Variants in PRKCE observed in about 807,000 individuals in gnomAD.
PRKCE encodes the protein protein kinase C epsilon, also known as protein kinase C epsilon type.
PRKCE carries 16 observed loss-of-function variants against 85.4 expected under a neutral mutation model. The observed-to-expected ratio is 0.19, with a 90% CI of 0.13 to 0.28. The LOEUF is 0.28. Among genes scored for constraint, PRKCE ranks in the 10% least tolerant of loss-of-function variants. The pLI is 1.00. For missense variants in PRKCE, 573 were observed against 975.2 expected (o/e 0.59, Z 5.49); for synonymous variants, 388 against 371.5 (o/e 1.04, Z -0.51).
intron 2 of PRKCE, among the ~76,000 whole-genome samples, chr2:45,946,969 G>A (rs990905005): frequency 6.6e-6 from 1 of 152,200 alleles, no homozygotes; most frequent in Non-Finnish European, 1.5e-5. Context: ...TAGACTCTAT[G>A]AGATATTCAG....
At chr2:45,890,745 T>C (rs1357047769) in intron 2 of PRKCE, among the ~76,000 whole-genome samples, 4 of 152,190 alleles carry the variant, frequency 2.6e-5, no homozygotes, top group African/African-American at 9.7e-5. Context: ...TTCAGATTTT[T>C]GCCTAGAATG....
chr2:45,834,187 C>A lies in PRKCE; in HGVS notation c.349-8813C>A, dbSNP rs1573540544. Among the ~76,000 whole-genome samples, 2 of 152,266 alleles carry A rather than the reference C, an allele frequency of 1.3e-5. 1 individual carries two copies. The highest frequency in any genetic ancestry group is 1.3e-4 in the Admixed American group (2 of 15,296). On this transcript the variant is annotated intron_variant, in intron 1 of 14. Transcript: ENST00000306156. ...TAACGTGGGCCTCTGGTCCAGCCAA[C>A]AAGAGTTTCACAAGAAGATAATGGC...
At chr2:45,731,127 T>G (rs562355652) in intron 1 of PRKCE, among the ~76,000 whole-genome samples, 30 of 152,288 alleles carry the variant, frequency 2.0e-4, no homozygotes, top group African/African-American at 6.0e-4. Context: ...ACTGGTGAGT[T>G]TAGGGCCTGT....
chr2:46,029,481 G>A (rs1406398992), intron 10 of PRKCE, among the ~76,000 whole-genome samples: 3 of 152,108 alleles, frequency 2.0e-5, no homozygotes, highest in African/African-American at 7.2e-5. Flanking sequence ...TTGGAGGTGG[G>A]ACCAATGAAG....
intron 1 of PRKCE, among the ~76,000 whole-genome samples, chr2:45,662,018 C>T (rs1027253238): frequency 3.3e-5 from 5 of 152,090 alleles, no homozygotes; most frequent in Non-Finnish European, 7.4e-5. Context: ...GGAAGTGTCC[C>T]CCTCTACCCC....
At position 46,151,037 on chromosome 2, in the gene PRKCE, A is replaced by G. The variant is rs1441059968; in HGVS notation, c.1732-4A>G. 1 of 1,596,008 alleles carries G rather than the reference A, an allele frequency of 6.3e-7. No homozygotes were observed. The highest frequency in any genetic ancestry group is 8.5e-7 in the Non-Finnish European group (1 of 1,177,260). On this transcript the variant is annotated splice_region_variant and splice_polypyrimidine_tract_variant and intron_variant, in intron 12 of 14. Transcript: ENST00000306156. ...GTGCCTGACATTGCTGGTTTCCTGAACAGATCCTGCAGGAGTTGGAGTATG... is the reference window on the plus strand; with the variant it reads ...GTGCCTGACATTGCTGGTTTCCTGAGCAGATCCTGCAGGAGTTGGAGTATG...
intron 1 of PRKCE, among the ~76,000 whole-genome samples, chr2:45,800,349 A>G (rs1319214338): frequency 6.6e-6 from 1 of 150,764 alleles, no homozygotes; most frequent in Non-Finnish European, 1.5e-5. Context: ...CAGCCCTTCC[A>G]TAAAGCCTCA....
intron 2 of PRKCE, among the ~76,000 whole-genome samples, chr2:45,881,892 A>G (rs1694915427): frequency 6.6e-6 from 1 of 152,212 alleles, no homozygotes; most frequent in Non-Finnish European, 1.5e-5. Context: ...GCTCAGTGGT[A>G]GCTCGAAGAC....
chr2:46,126,907 G>A (rs905393776), intron 11 of PRKCE, among the ~76,000 whole-genome samples: 2 of 152,142 alleles, frequency 1.3e-5, no homozygotes, highest in Non-Finnish European at 2.9e-5. Context: ...CCACTTCAGC[G>A]GTTTACAGTT....
chr2:45,942,474 T>C (rs1050145165), intron 2 of PRKCE, among the ~76,000 whole-genome samples: 1 of 152,214 alleles, frequency 6.6e-6, no homozygotes, highest in Non-Finnish European at 1.5e-5. Flanking sequence ...ATTAATGTTG[T>C]CATATTATGT....
At chr2:46,080,136 T>C (rs1312377038) in intron 10 of PRKCE, among the ~76,000 whole-genome samples, 4 of 152,226 alleles carry the variant, frequency 2.6e-5, no homozygotes, top group African/African-American at 9.6e-5. Context: ...AGGGGATTAA[T>C]GAGTAGCTGC....
chr2:45,966,257 A>T (rs147587068), intron 2 of PRKCE, among the ~76,000 whole-genome samples: 25 of 152,230 alleles, frequency 1.6e-4, no homozygotes, highest in African/African-American at 6.0e-4. Context: ...TACTTCATAG[A>T]TGTGTAACAT....
chr2:45,881,681 G>A (rs1694900568), intron 2 of PRKCE, among the ~76,000 whole-genome samples: 1 of 152,164 alleles, frequency 6.6e-6, no homozygotes, highest in African/African-American at 2.4e-5. Context: ...TTTTACAGAT[G>A]AGGAAACTAA....
chr2:45,796,484 T>C (rs1220498957), intron 1 of PRKCE, among the ~76,000 whole-genome samples: 1 of 152,220 alleles, frequency 6.6e-6, no homozygotes, highest in Non-Finnish European at 1.5e-5. Context: ...TTATATCTCT[T>C]ATGATGATTT....
intron 2 of PRKCE, among the ~76,000 whole-genome samples, chr2:45,909,458 G>A (rs1391156657): frequency 6.6e-6 from 1 of 152,186 alleles, no homozygotes; most frequent in African/African-American, 2.4e-5. Flanking sequence ...AGTTGTTAAG[G>A]GGTGGCCAGC....
intron 14 of PRKCE, among the ~76,000 whole-genome samples, chr2:46,180,799 G>A (rs1367868832): frequency 6.6e-6 from 1 of 152,168 alleles, no homozygotes; most frequent in Non-Finnish European, 1.5e-5. Flanking sequence ...GAAAGACCAC[G>A]GCTTAAAGAG....
At chr2:46,136,351 G>A (rs1290310112) in intron 11 of PRKCE, among the ~76,000 whole-genome samples, 1 of 152,222 alleles carries the variant, frequency 6.6e-6, no homozygotes, top group African/African-American at 2.4e-5. Flanking sequence ...TTTGCTAGAT[G>A]CTGTATGGTT....
At chr2:45,727,330 G>T (rs1681160154) in intron 1 of PRKCE, among the ~76,000 whole-genome samples, 1 of 152,180 alleles carries the variant, frequency 6.6e-6, no homozygotes, top group African/African-American at 2.4e-5. Flanking sequence ...GTGTATTGAA[G>T]GTAGAAGACA....
intron 1 of PRKCE, among the ~76,000 whole-genome samples, chr2:45,743,298 T>G (rs778211412): frequency 4.6e-5 from 7 of 152,256 alleles, no homozygotes; most frequent in Non-Finnish European, 1.0e-4. Flanking sequence ...GAGGTGAATA[T>G]GATAATTAGC....
Sources: gnomAD v4.1 joint callset for allele counts (sites outside exome capture counted in the v4.1 genomes callset) on GRCh38, gnomAD v4.1.1 for gene constraint, MANE v1.5 for transcripts, NCBI Gene and HGNC (gene_info 2026-07-23, HGNC 2026-07-21) for gene names.